The following TMEFF2 variants were observed in gnomAD, a reference collection of about 807,000 sequenced individuals.
TMEFF2 encodes the protein tomoregulin-2.
TMEFF2 carries 28 observed loss-of-function variants against 53.8 expected under a neutral mutation model. The ratio of observed to expected loss-of-function variants is 0.52; its 90% CI spans 0.39 to 0.71. TMEFF2 has a LOEUF of 0.71. Ranked by LOEUF, TMEFF2 falls within the 30% of genes least tolerant of loss-of-function variation. The probability of loss-of-function intolerance (pLI) is 0.00; values close to 1 mark genes in which losing one functional copy is unlikely to be tolerated. For missense variants in TMEFF2, 353 were observed against 455.2 expected, an observed-to-expected ratio of 0.78 and a Z score of 2.04; for synonymous variants, 162 against 166.3, an observed-to-expected ratio of 0.97 and a Z score of 0.20.
intron 7 of TMEFF2, among the ~76,000 whole-genome samples, chr2:191,968,051 G>A (rs1265532629): frequency 1.3e-5 from 2 of 152,138 alleles, no homozygotes; most frequent in Non-Finnish European, 2.9e-5. Context: ...TCAGATATTT[G>A]GAGACCAATT....
Position 192,184,417 on chromosome 2 carries a change from G to A in TMEFF2, c.349C>T (p.Arg117Ter), listed in dbSNP as rs748224118. Reference sequence around the variant, plus strand: ...CTCTGCTGTTTGCATGCAGCCTGTCGCAGGTAACACTCATTCTGGTAGCTC... The same window carrying A: ...CTCTGCTGTTTGCATGCAGCCTGTCACAGGTAACACTCATTCTGGTAGCTC... ...GESYQNECYL[R>*]QAACKQQSEI... The change falls in exon 3 of 10, where the codon CGA (arginine) becomes TGA (stop). Residue 117 changes from arginine to a stop codon, truncating the protein, a stop_gained. Transcript: ENST00000272771. LOFTEE classifies it high-confidence loss of function. 3 of 1,613,358 alleles carry A rather than the reference G, an allele frequency of 1.9e-6. No individual in the cohort carries two copies. The highest frequency in any genetic ancestry group is 2.5e-6 in the Non-Finnish European group (3 of 1,179,512).
intron 5 of TMEFF2, among the ~76,000 whole-genome samples, chr2:192,020,149 C>T (rs73982312): frequency 0.068 from 10,382 of 152,048 alleles, 552 homozygotes; most frequent in African/African-American, 0.14. Context: ...CCCTCTTTTC[C>T]CTAGTATTGT....
At chr2:192,134,305 A>G (rs543371280) in intron 4 of TMEFF2, among the ~76,000 whole-genome samples, 1 of 152,028 alleles carries the variant, frequency 6.6e-6, no homozygotes, top group Non-Finnish European at 1.5e-5. Flanking sequence ...CCTGATCCCC[A>G]TGACTGCATC....
chr2:192,051,062 T>C (rs1192263016), intron 5 of TMEFF2, among the ~76,000 whole-genome samples: 1 of 152,106 alleles, frequency 6.6e-6, no homozygotes, highest in Non-Finnish European at 1.5e-5. Context: ...CTACTGCAGC[T>C]TTCAGAGGTG....
At chr2:192,075,174 G>A (rs1347035196) in intron 4 of TMEFF2, among the ~76,000 whole-genome samples, 1 of 149,872 alleles carries the variant, frequency 6.7e-6, no homozygotes, top group Non-Finnish European at 1.5e-5. Context: ...AATATCTTTG[G>A]TTCCTCTGTC....
chr2:191,960,582 GGGGGCT>G (rs1441766830), intron 7 of TMEFF2, among the ~76,000 whole-genome samples: 1 of 152,154 alleles, frequency 6.6e-6, no homozygotes, highest in Admixed American at 6.5e-5. Context: ...CGAGGCCTTT[GGGGGCT>G]GGTCAAATGA....
intron 4 of TMEFF2, among the ~76,000 whole-genome samples, chr2:192,126,694 T>A (rs1384386772): frequency 2.0e-5 from 3 of 152,204 alleles, no homozygotes; most frequent in Non-Finnish European, 4.4e-5. Flanking sequence ...ACATTCATGA[T>A]CTTGTTCCCT....
intron 5 of TMEFF2, among the ~76,000 whole-genome samples, chr2:192,045,651 G>A (rs6434530): frequency 0.96 from 145,572 of 152,146 alleles, 69,977 homozygotes; most frequent in East Asian, 1. Flanking sequence ...TAGGCTCAGC[G>A]ACATAGACTC....
chr2:191,994,521 CAAAT>C (rs1686177888), intron 7 of TMEFF2, among the ~76,000 whole-genome samples: 1 of 148,406 alleles, frequency 6.7e-6, no homozygotes, highest in South Asian at 2.1e-4. Flanking sequence ...TAAAGAAAAA[CAAAT>C]AGTTGAACTT....
chr2:192,148,449 C>T (rs1386379515), intron 4 of TMEFF2, among the ~76,000 whole-genome samples: 1 of 151,972 alleles, frequency 6.6e-6, no homozygotes, highest in Non-Finnish European at 1.5e-5. Context: ...CTTCCTTGTC[C>T]TTCTTTCCAC....
chr2:191,952,023 C>T (rs1691900240), intron 9 of TMEFF2, among the ~76,000 whole-genome samples: 1 of 152,168 alleles, frequency 6.6e-6, no homozygotes, highest in African/African-American at 2.4e-5. Context: ...AGTGTCCAGG[C>T]TCTGGCACTA....
At chr2:192,147,480 C>T (rs556390251) in intron 4 of TMEFF2, among the ~76,000 whole-genome samples, 6 of 151,684 alleles carry the variant, frequency 4.0e-5, no homozygotes, top group Non-Finnish European at 8.8e-5. Flanking sequence ...TCCCTCCCCA[C>T]TCCCCCCACC....
intron 7 of TMEFF2, among the ~76,000 whole-genome samples, chr2:191,987,911 G>C (rs1242505110): frequency 1.3e-5 from 2 of 152,118 alleles, no homozygotes; most frequent in African/African-American, 4.8e-5. Flanking sequence ...GCCTATTCCA[G>C]TGGTATTATT....
intron 5 of TMEFF2, among the ~76,000 whole-genome samples, chr2:192,010,046 C>T (rs1157322538): frequency 2.0e-5 from 3 of 152,058 alleles, no homozygotes; most frequent in Non-Finnish European, 2.9e-5. Context: ...GGAGACATTC[C>T]ACTGGACCAA....
At chr2:192,171,233 A>C (rs1690905292) in intron 4 of TMEFF2, among the ~76,000 whole-genome samples, 1 of 152,092 alleles carries the variant, frequency 6.6e-6, no homozygotes, top group South Asian at 2.1e-4. Context: ...CAATATACTC[A>C]ATAAAGGACC....
intron 4 of TMEFF2, among the ~76,000 whole-genome samples, chr2:192,102,314 C>T (rs894105638): frequency 1.3e-5 from 2 of 152,156 alleles, no homozygotes; most frequent in African/African-American, 2.4e-5. Flanking sequence ...ACACAGATCA[C>T]GTATTCTTCT....
At chr2:192,047,104 T>A (rs4324279) in intron 5 of TMEFF2, among the ~76,000 whole-genome samples, 149,429 of 152,048 alleles carry the variant, frequency 0.98, 73,471 homozygotes, top group East Asian at 1. Flanking sequence ...GTATTTTAGT[T>A]GAGACAAGGT....
intron 5 of TMEFF2, among the ~76,000 whole-genome samples, chr2:192,002,647 C>T (rs1234716080): frequency 3.3e-5 from 5 of 151,976 alleles, no homozygotes; most frequent in Admixed American, 6.6e-5. Flanking sequence ...CTGGCCGACA[C>T]GGTGAAAGGC....
intron 5 of TMEFF2, among the ~76,000 whole-genome samples, chr2:192,034,106 CG>C (rs994711860): frequency 3.6e-4 from 52 of 142,600 alleles, no homozygotes; most frequent in African/African-American, 1.4e-3. Context: ...ACCCGGGAGG[CG>C]GAGCTTGCAG....
Sources: allele counts gnomAD v4.1 joint callset (sites outside exome capture counted in the v4.1 genomes callset), GRCh38; gene constraint gnomAD v4.1.1; transcripts MANE v1.5; gene names NCBI Gene and HGNC (gene_info 2026-07-23, HGNC 2026-07-21).